Variants in SGCZ observed in about 807,000 individuals in gnomAD.
The protein encoded by SGCZ is zeta-sarcoglycan.
A neutral mutation model predicts 41.3 loss-of-function variants in SGCZ; 40 were observed. The ratio of observed to expected loss-of-function variants is 0.97; its 90% confidence interval spans 0.75 to 1.26. The LOEUF (loss-of-function observed/expected upper bound fraction) is 1.26, where lower values mean the gene tolerates loss of function less well. Among genes scored for constraint, SGCZ ranks in the 50% most tolerant of loss-of-function variants. The pLI is 0.00. For synonymous variants in SGCZ, 206 were observed against 137.5 expected, an observed-to-expected ratio of 1.50 and a Z score of -3.49; for missense variants, 552 against 369.8, an observed-to-expected ratio of 1.49 and a Z score of -4.04.
chr8:14,224,253 C>T (rs1806296780), intron 4 of SGCZ, among the ~76,000 whole-genome samples: 2 of 152,298 alleles, frequency 1.3e-5, no homozygotes, highest in Non-Finnish European at 1.5e-5. Flanking sequence ...TACACTAGTA[C>T]ATCCAGAAAT....
At chr8:14,940,376 CTAAA>C (rs1348263979) in intron 1 of SGCZ, among the ~76,000 whole-genome samples, 1 of 152,014 alleles carries the variant, frequency 6.6e-6, no homozygotes, top group African/African-American at 2.4e-5. Flanking sequence ...AGCCAATGAT[CTAAA>C]TAGACTTACT....
intron 1 of SGCZ, among the ~76,000 whole-genome samples, chr8:15,213,043 A>T (rs373126814): frequency 6.6e-6 from 1 of 152,054 alleles, no homozygotes; most frequent in African/African-American, 2.4e-5. Flanking sequence ...CTAAATGCAC[A>T]AAAGCATTTA....
intron 2 of SGCZ, among the ~76,000 whole-genome samples, chr8:14,496,223 G>C (rs543788753): frequency 7.2e-6 from 1 of 139,644 alleles, no homozygotes; most frequent in Non-Finnish European, 1.6e-5. Context: ...ACAACATCAT[G>C]CCTGGCTAAT....
intron 1 of SGCZ, among the ~76,000 whole-genome samples, chr8:15,186,240 C>A (rs1318221503): frequency 2.7e-5 from 3 of 110,930 alleles, no homozygotes; most frequent in Middle Eastern, 7.9e-3. Flanking sequence ...CCAGCCTGGG[C>A]AACAGAGGGA....
At chr8:14,975,920 A>C (rs900427525) in intron 1 of SGCZ, among the ~76,000 whole-genome samples, 1 of 147,960 alleles carries the variant, frequency 6.8e-6, no homozygotes, top group Non-Finnish European at 1.5e-5. Flanking sequence ...ACATATCTAA[A>C]CATTGTTTAT....
chr8:14,297,042 A>C (rs7832800), intron 3 of SGCZ, among the ~76,000 whole-genome samples: 39,380 of 151,790 alleles, frequency 0.26, 7,102 homozygotes, highest in African/African-American at 0.51. Context: ...CTGTCTCAGC[A>C]TCCTGAGTAG....
chr8:15,105,422 G>A (rs1246605790), intron 1 of SGCZ, among the ~76,000 whole-genome samples: 2 of 152,142 alleles, frequency 1.3e-5, no homozygotes, highest in African/African-American at 4.8e-5. Context: ...AGCATGGCTA[G>A]GGTGCCTCAG....
intron 1 of SGCZ, among the ~76,000 whole-genome samples, chr8:15,151,641 T>A (rs1799182615): frequency 6.6e-6 from 1 of 152,214 alleles, no homozygotes; most frequent in South Asian, 2.1e-4. Context: ...CAAACTATTT[T>A]CACTTGGATG....
intron 5 of SGCZ, among the ~76,000 whole-genome samples, chr8:14,159,485 G>A (rs2116972373): frequency 1.3e-5 from 2 of 152,228 alleles, no homozygotes; most frequent in East Asian, 1.9e-4. Flanking sequence ...CTGAAATCAG[G>A]ATTCACCTGG....
rs1158526539 is a variant in SGCZ at position 15,043,173 on chromosome 8, G to C, written c.39+194412C>G. Reference sequence around the variant, plus strand: ...ATTAAGGAAGACAAGGATGTTGTTTGATTTCATTTCTTTAATCAGCTAGTA... The same window carrying C: ...ATTAAGGAAGACAAGGATGTTGTTTCATTTCATTTCTTTAATCAGCTAGTA... On this transcript the variant is annotated intron_variant, in intron 1 of 7. Coordinates refer to ENST00000382080, the MANE Select transcript of SGCZ (RefSeq NM_139167.4). Among the ~76,000 whole-genome samples the C allele has an allele frequency of 2.6e-5, 4 of 152,240 alleles. No individual in the cohort carries two copies. In the East Asian group the frequency reaches 5.8e-4, roughly 22 times the overall value.
At chr8:15,153,132 T>C (rs914123107) in intron 1 of SGCZ, among the ~76,000 whole-genome samples, 5 of 152,108 alleles carry the variant, frequency 3.3e-5, no homozygotes, top group South Asian at 2.1e-4. Context: ...AGGAATAATA[T>C]ATAATTAGTA....
intron 2 of SGCZ, among the ~76,000 whole-genome samples, chr8:14,464,795 T>C (rs541235389): frequency 9.2e-5 from 14 of 151,692 alleles, no homozygotes; most frequent in Non-Finnish European, 1.8e-4. Context: ...TCTATTTCCA[T>C]TCACCTCTAA....
chr8:15,231,405 A>T (rs1801934116), intron 1 of SGCZ, among the ~76,000 whole-genome samples: 1 of 152,022 alleles, frequency 6.6e-6, no homozygotes, highest in South Asian at 2.1e-4. Flanking sequence ...CTCTCAAGGC[A>T]ATTTGGAACA....
intron 1 of SGCZ, among the ~76,000 whole-genome samples, chr8:15,053,123 A>G (rs1385396912): frequency 6.6e-6 from 1 of 152,070 alleles, no homozygotes; most frequent in Non-Finnish European, 1.5e-5. Flanking sequence ...AGTTTGCAAA[A>G]TTCCAAGTGT....
At chr8:15,015,983 T>C (rs1444221120) in intron 1 of SGCZ, among the ~76,000 whole-genome samples, 1 of 152,156 alleles carries the variant, frequency 6.6e-6, no homozygotes, top group Non-Finnish European at 1.5e-5. Context: ...AAAATTATTT[T>C]TCTCTCTATC....
intron 1 of SGCZ, among the ~76,000 whole-genome samples, chr8:14,556,492 G>C (rs994912822): frequency 4.0e-5 from 6 of 151,870 alleles, no homozygotes; most frequent in African/African-American, 7.3e-5. Flanking sequence ...GGTTACATGA[G>C]TAAGTTCTTT....
intron 2 of SGCZ, among the ~76,000 whole-genome samples, chr8:14,551,569 AATAT>A (rs1308405900): frequency 5.4e-5 from 1 of 18,430 alleles, no homozygotes; most frequent in African/African-American, 2.9e-4. Flanking sequence ...TTATATATAT[AATAT>A]ATATATAATA....
intron 1 of SGCZ, among the ~76,000 whole-genome samples, chr8:14,556,066 T>G (rs1318797640): frequency 6.6e-6 from 1 of 151,884 alleles, no homozygotes; most frequent in Non-Finnish European, 1.5e-5. Flanking sequence ...AGCAAATGCA[T>G]TTTTTACTGT....
intron 5 of SGCZ, among the ~76,000 whole-genome samples, chr8:14,113,121 G>C (rs1333624867): frequency 6.6e-6 from 1 of 151,912 alleles, no homozygotes; most frequent in Non-Finnish European, 1.5e-5. Flanking sequence ...TACATTGCTG[G>C]AGTGATTTTA....
Sources: allele counts gnomAD v4.1 joint callset (sites outside exome capture counted in the v4.1 genomes callset), GRCh38; gene constraint gnomAD v4.1.1; transcripts MANE v1.5; gene names NCBI Gene and HGNC (gene_info 2026-07-23, HGNC 2026-07-21).